Variants in HNRNPK observed in about 807,000 individuals in gnomAD.
HNRNPK encodes dC-stretch binding protein.
A neutral mutation model predicts 67.0 loss-of-function variants in HNRNPK; 7 were observed. That is an observed-to-expected ratio of 0.10 (90% CI 0.06 to 0.20). The LOEUF is 0.20. Ranked by LOEUF, HNRNPK falls within the 10% of genes least tolerant of loss-of-function variation. The pLI is 1.00. For synonymous variants in HNRNPK, 213 were observed against 193.7 expected, an observed-to-expected ratio of 1.10 and a Z score of -0.83; for missense variants, 264 against 606.5, an observed-to-expected ratio of 0.44 and a Z score of 5.93.
intron 9 of HNRNPK, 86 bp downstream of exon 9, chr9:83,973,188 AGGGAACTGAGAG>A: frequency 2.4e-6 from 2 of 817,072 alleles, no homozygotes; most frequent in Non-Finnish European, 4.1e-6. Flanking sequence ...CAATCTTTGG[AGGGAACTGAGAG>A]GGGAAGCGAG....
chr9:83,971,252 C>G (rs374077608), intron 13 of HNRNPK, 21 bp downstream of exon 13: 3 of 1,498,580 alleles, frequency 2.0e-6, no homozygotes, highest in Non-Finnish European at 2.8e-6. Context: ...GATATACACA[C>G]GAACAACTAT....
At chr9:83,977,943 AC>A (rs1421993820) in intron 3 of HNRNPK, among the ~76,000 whole-genome samples, 157 bp from the exon 4 acceptor site, 2 of 152,216 alleles carry the variant, frequency 1.3e-5, no homozygotes, top group African/African-American at 4.8e-5. Flanking sequence ...AGTAAAATGC[AC>A]CAAACACAAA....
chr9:83,971,580 C>A, intron 12 of HNRNPK, 92 bp downstream of exon 12: 1 of 1,094,110 alleles, frequency 9.1e-7, no homozygotes, highest in South Asian at 1.3e-5. Flanking sequence ...GTAAGAAAAA[C>A]TTTTTAATCA....
At chr9:83,970,380 T>TA in intron 15 of HNRNPK, 49 bp from the exon 16 acceptor site, 2 of 1,374,694 alleles carry the variant, frequency 1.5e-6, no homozygotes, top group Non-Finnish European at 1.0e-6. Context: ...TTTTAACATT[T>TA]ACTACCTGTA....
At chr9:83,972,790 G>A in intron 10 of HNRNPK, 54 bp downstream of exon 10, 6 of 1,413,300 alleles carry the variant, frequency 4.2e-6, no homozygotes, top group East Asian at 2.4e-5. Flanking sequence ...TTTTGCAGAA[G>A]GTTATCACTT....
intron 13 of HNRNPK, 120 bp from the exon 14 acceptor site, chr9:83,971,032 C>G: frequency 3.9e-6 from 4 of 1,028,296 alleles, no homozygotes; most frequent in Non-Finnish European, 5.9e-6. Context: ...GTCTCAAACT[C>G]TCGGGCTCAA....
At chr9:83,969,876 T>C (rs1307058372) in intron 16 of HNRNPK, 2 of 608,382 alleles carry the variant, frequency 3.3e-6, no homozygotes, top group Non-Finnish European at 6.4e-6. Context: ...CTATATTTTC[T>C]ACAGGCTCTG....
At position 83,977,175 on chromosome 9, in the gene HNRNPK, G is replaced by T. The variant is rs544582356; in HGVS notation, c.157-124C>A. On this transcript the variant is annotated intron_variant, in intron 4 of 16. Coordinates refer to ENST00000376263, the MANE Select transcript of HNRNPK (RefSeq NM_031263.4). ...GTTATAAGAATAAAAATCTATTTGG[G>T]GTTGTAAAAACGACCAGGCCAAAAC... is the stretch of plus-strand genomic sequence containing the variant. The T allele has an allele frequency of 7.0e-5, 49 of 698,044 alleles. No homozygotes were observed. The African/African-American group carries it at 7.9e-4, about 11-fold the overall frequency. The allele number at this position is 698,044 out of a possible 1,614,324, so 43.2% of individuals were successfully genotyped here.
chr9:83,973,292 A>C lies in HNRNPK; in HGVS notation c.510T>G (p.Leu170=), dbSNP rs763592366. 10 of 1,564,176 alleles carry C rather than the reference A, an allele frequency of 6.4e-6. No homozygotes were observed. The highest frequency in any genetic ancestry group is 7.9e-6 in the Non-Finnish European group (9 of 1,138,054). Residue 170 remains leucine (L), a synonymous_variant, in exon 9 of 17, where the codon CTT becomes CTG. Coordinates refer to ENST00000376263, the MANE Select transcript of HNRNPK (RefSeq NM_031263.4). ...AGAATTTTTTTTTTTTTACCTCTCG[A>C]AGTTCTTTGATTTTAGCACCTTTGA... The part of the protein sequence containing the change: ...IGVKGAKIKE[L]RENTQTTIKL...
In HNRNPK at chr9:83,969,109, C is replaced by A. The variant is rs1956707262; in HGVS notation, c.*298G>T. ...TGGGGGGAATTTTTTAAACCACCAA[C>A]AATAACGAAAAATAAAATCCACTCA... On this transcript the variant is annotated 3_prime_UTR_variant, in exon 17 of 17. Coordinates refer to ENST00000376263, the MANE Select transcript of HNRNPK (RefSeq NM_031263.4). 3 of 509,792 alleles carry A rather than the reference C, an allele frequency of 5.9e-6. No individual in the cohort carries two copies. The highest frequency in any genetic ancestry group is 3.9e-5 in the African/African-American group (2 of 51,344). The allele number at this position is 509,792 out of a possible 1,614,324, so 31.6% of individuals were successfully genotyped here.
Position 83,969,160 on chromosome 9 carries a change from TGTTA to T in HNRNPK, c.*243_*246del, listed in dbSNP as rs1482004077. 2 of 523,096 alleles carry T rather than the reference TGTTA, an allele frequency of 3.8e-6. No homozygotes were observed. The highest frequency in any genetic ancestry group is 2.0e-5 in the African/African-American group (1 of 51,128). 32.4% of individuals were successfully genotyped at this position (523,096 alleles called of 1,614,324 possible). A position where few individuals can be genotyped will look rare whatever the true frequency, so the allele number is the denominator to read the frequency against. ...CTCTGCTGCTGTTTCAAAATTTCAA[TGTTA>T]GTTTTTGCACGCCCTTCCCCCCCCC... On this transcript the variant is annotated 3_prime_UTR_variant, in exon 17 of 17. Transcript: ENST00000376263.
chr9:83,976,811 T>C, intron 5 of HNRNPK, 184 bp downstream of exon 5: 2 of 442,474 alleles, frequency 4.5e-6, no homozygotes, highest in Non-Finnish European at 8.1e-6. Flanking sequence ...CCCCCCACCC[T>C]GCTCAATCTG....
At chr9:83,972,412 A>AT in intron 10 of HNRNPK, 1 of 541,632 alleles carries the variant, frequency 1.8e-6, no homozygotes, top group South Asian at 2.6e-5. Context: ...TCTATTGCCT[A>AT]TACAGGGAGA....
intron 1 of HNRNPK, among the ~76,000 whole-genome samples, chr9:83,979,235 A>G (rs2133074076): frequency 1.3e-5 from 2 of 152,360 alleles, no homozygotes; most frequent in Admixed American, 1.3e-4. Flanking sequence ...CAAAGAGCCA[A>G]CAAGCGAGGC....
rs1956710227 is a variant in HNRNPK at position 83,969,183 on chromosome 9, C to G, written c.*224G>C. 1.9e-6 allele frequency: 1 copy of G among 539,830 alleles called. No homozygotes were observed. Among genetic ancestry groups the G allele is most frequent in the Non-Finnish European group, 3.4e-6 (1 of 298,296 alleles). The allele number at this position is 539,830 out of a possible 1,614,324, so 33.4% of individuals were successfully genotyped here. A position where few individuals can be genotyped will look rare whatever the true frequency, so the allele number is the denominator to read the frequency against. Reference sequence around the variant, plus strand: ...AATGTTAGTTTTTGCACGCCCTTCCCCCCCCCAACCCTGTTTGTAAGGAAC... The same window carrying G: ...AATGTTAGTTTTTGCACGCCCTTCCGCCCCCCAACCCTGTTTGTAAGGAAC... On this transcript the variant is annotated 3_prime_UTR_variant, in exon 17 of 17. Coordinates refer to ENST00000376263, the MANE Select transcript of HNRNPK (RefSeq NM_031263.4).
chr9:83,970,501 A>C (rs1036942504), intron 15 of HNRNPK, 170 bp from the exon 16 acceptor site: 1 of 655,558 alleles, frequency 1.5e-6, no homozygotes, highest in Middle Eastern at 4.1e-4. Context: ...TGTCACACTT[A>C]CTAATGTTTC....
At position 83,971,369 on chromosome 9, in the gene HNRNPK, A is replaced by C. The variant is rs560387265; in HGVS notation, c.1009-13T>G. 1 of 1,555,862 alleles carries C rather than the reference A, an allele frequency of 6.4e-7. No homozygotes were observed. The highest frequency in any genetic ancestry group is 8.9e-7 in the Non-Finnish European group (1 of 1,127,366). On this transcript the variant is annotated splice_polypyrimidine_tract_variant and intron_variant, in intron 12 of 16. Coordinates refer to ENST00000376263, the MANE Select transcript of HNRNPK (RefSeq NM_031263.4). ...CACTGAAACCAACCTGTTAGAGATAAAAACATTAACATGAACCCGCATTGT... is the reference window on the plus strand; with the variant it reads ...CACTGAAACCAACCTGTTAGAGATACAAACATTAACATGAACCCGCATTGT...
Position 83,971,936 on chromosome 9 carries a change from C to G in HNRNPK, c.899G>C (p.Gly300Ala). The change falls in exon 11 of 17, where the codon GGT becomes GCT. Residue 300 changes from glycine to alanine, a missense_variant. Coordinates refer to ENST00000376263, the MANE Select transcript of HNRNPK (RefSeq NM_031263.4). The stretch of plus-strand genomic sequence containing the variant: ...AGGAAGATTCCGAGCTCTGCTACCA[C>G]CCCGGCCGCCTCGTCCGGGAGGAGG... ...PPPPPGRGGRGGSRARNLPLP... is the reference protein window; with the variant it reads ...PPPPPGRGGRAGSRARNLPLP... 1 of 1,591,310 alleles carries G rather than the reference C, an allele frequency of 6.3e-7. No homozygotes were observed. Among genetic ancestry groups the G allele is most frequent in the Non-Finnish European group, 8.6e-7 (1 of 1,165,906 alleles).
intron 16 of HNRNPK, 29 bp downstream of exon 16, chr9:83,970,133 A>T (rs1956761473): frequency 6.3e-7 from 1 of 1,579,808 alleles, no homozygotes; most frequent in East Asian, 2.2e-5. Flanking sequence ...AGTATGTATA[A>T]GCTAACACAA....
Sources: allele counts gnomAD v4.1 joint callset (sites outside exome capture counted in the v4.1 genomes callset), GRCh38; gene constraint gnomAD v4.1.1; transcripts MANE v1.5; gene names NCBI Gene and HGNC (gene_info 2026-07-23, HGNC 2026-07-21).